The following SPATA16 variants were observed in gnomAD, a reference collection of about 807,000 sequenced individuals.
SPATA16 encodes spermatogenesis-associated protein 16.
A neutral mutation model predicts 63.3 loss-of-function variants in SPATA16; 36 were observed. That is an observed-to-expected ratio of 0.57 (90% CI 0.44 to 0.75). SPATA16 has a LOEUF of 0.75. Among genes scored for constraint, SPATA16 ranks in the 30% least tolerant of loss-of-function variants. The probability of loss-of-function intolerance (pLI) is 0.00; values close to 1 mark genes in which losing one functional copy is unlikely to be tolerated. For synonymous variants in SPATA16, 203 were observed against 216.7 expected (o/e 0.94, Z 0.56); for missense variants, 646 against 679.3 (o/e 0.95, Z 0.54).
At chr3:172,914,804 A>G (rs1499629) in intron 9 of SPATA16, among the ~76,000 whole-genome samples, 2,774 of 152,178 alleles carry the variant, frequency 0.018, 76 homozygotes, top group African/African-American at 0.063. Context: ...AATAGAGAAA[A>G]ATTACACTTT....
chr3:172,949,140 T>C (rs2109615455), intron 6 of SPATA16, among the ~76,000 whole-genome samples: 1 of 152,316 alleles, frequency 6.6e-6, no homozygotes, highest in East Asian at 1.9e-4. Flanking sequence ...TGATGTTTAC[T>C]CCATAATAAA....
intron 8 of SPATA16, 26 bp downstream of exon 8, chr3:172,924,182 C>T (rs748854189): frequency 2.0e-6 from 3 of 1,526,850 alleles, no homozygotes; most frequent in Non-Finnish European, 9.1e-7. Flanking sequence ...GTACATTGGA[C>T]AAATATAAAA....
intron 2 of SPATA16, 108 bp downstream of exon 2, chr3:173,117,012 A>T: frequency 9.0e-7 from 1 of 1,114,020 alleles, no homozygotes; most frequent in South Asian, 1.2e-5. Flanking sequence ...ACATATCCTC[A>T]CCTCATGATC....
intron 8 of SPATA16, among the ~76,000 whole-genome samples, chr3:172,919,841 C>G (rs1732579634): frequency 1.3e-5 from 2 of 151,890 alleles, no homozygotes; most frequent in Non-Finnish European, 2.9e-5. Flanking sequence ...CCACATCTGA[C>G]TATTTTTTTG....
At chr3:173,007,092 CAG>C (rs1734961326) in intron 4 of SPATA16, among the ~76,000 whole-genome samples, 1 of 152,084 alleles carries the variant, frequency 6.6e-6, no homozygotes, top group Admixed American at 6.6e-5. Context: ...ATCTCAAACT[CAG>C]AGTGTCAAAA....
intron 4 of SPATA16, among the ~76,000 whole-genome samples, chr3:172,979,194 G>A (rs868118271): frequency 2.0e-5 from 3 of 151,774 alleles, no homozygotes; most frequent in East Asian, 1.9e-4. Context: ...CCGAGATCGC[G>A]CCACTGCACT....
intron 2 of SPATA16, among the ~76,000 whole-genome samples, chr3:173,056,505 C>A (rs1230864195): frequency 2.0e-5 from 3 of 151,960 alleles, no homozygotes; most frequent in Non-Finnish European, 2.9e-5. Flanking sequence ...GAATTCAAGA[C>A]CAGCTTGGCC....
intron 2 of SPATA16, among the ~76,000 whole-genome samples, chr3:173,066,116 C>T (rs934887305): frequency 8.6e-5 from 13 of 152,014 alleles, no homozygotes; most frequent in Admixed American, 2.0e-4. Flanking sequence ...CTCACAATTT[C>T]GATACCAGCT....
At chr3:173,028,332 A>G (rs1430589007) in intron 3 of SPATA16, among the ~76,000 whole-genome samples, 2 of 151,850 alleles carry the variant, frequency 1.3e-5, no homozygotes, top group African/African-American at 4.8e-5. Context: ...TTTATGCTGG[A>G]TAATAGCATC....
intron 5 of SPATA16, among the ~76,000 whole-genome samples, chr3:172,975,135 T>G (rs1028709239): frequency 6.6e-6 from 1 of 151,926 alleles, no homozygotes; most frequent in Admixed American, 6.6e-5. Context: ...ACAGAAAAAT[T>G]TTTTCGCATC....
intron 2 of SPATA16, among the ~76,000 whole-genome samples, chr3:173,099,016 C>T (rs900455046): frequency 1.3e-5 from 2 of 152,176 alleles, no homozygotes; most frequent in East Asian, 3.9e-4. Context: ...CCCCAATCAT[C>T]AACACTGTCT....
In SPATA16 at chr3:172,953,979, C is replaced by T. The variant is rs142144436; in HGVS notation, c.1081+2698G>A. On this transcript the variant is annotated intron_variant, in intron 6 of 10. Transcript: ENST00000351008. The stretch of plus-strand genomic sequence containing the variant: ...AAACATATAGACTCTTATGTTTGCA[C>T]ACATCTGCTGTGTGACAGTCTATTC... Among the ~76,000 whole-genome samples the T allele has an allele frequency of 5.7e-3, 874 of 152,286 alleles. 11 individuals carry two copies. The highest frequency in any genetic ancestry group is 0.019 in the African/African-American group (789 of 41,550).
intron 6 of SPATA16, among the ~76,000 whole-genome samples, chr3:172,939,892 A>G (rs1733105581): frequency 6.6e-6 from 1 of 152,200 alleles, no homozygotes; most frequent in South Asian, 2.1e-4. Flanking sequence ...GTTCAGCTTC[A>G]TGCCTCCCCC....
At chr3:173,101,234 G>T (rs1468452566) in intron 2 of SPATA16, among the ~76,000 whole-genome samples, 5 of 152,082 alleles carry the variant, frequency 3.3e-5, no homozygotes, top group Non-Finnish European at 5.9e-5. Flanking sequence ...AATACTTGCT[G>T]CCCCAAGCAT....
intron 1 of SPATA16, among the ~76,000 whole-genome samples, chr3:173,136,169 G>A (rs1456457511): frequency 1.3e-5 from 2 of 152,154 alleles, no homozygotes; most frequent in African/African-American, 4.8e-5. Context: ...TGCAGTTGAT[G>A]TTAGCGGCTT....
chr3:173,070,394 CAA>C (rs34180269), intron 2 of SPATA16, among the ~76,000 whole-genome samples: 939 of 92,934 alleles, frequency 0.01, 6 homozygotes, highest in African/African-American at 0.024. Context: ...GACTCTGTCT[CAA>C]AAAAAAAAAA....
intron 7 of SPATA16, 43 bp from the exon 8 acceptor site, chr3:172,924,360 CT>C (rs752301681): frequency 6.9e-7 from 1 of 1,454,734 alleles, no homozygotes; most frequent in African/African-American, 1.4e-5. Flanking sequence ...TTTCTCCAGA[CT>C]TCCATTTCAA....
At chr3:173,060,939 G>A (rs1465953969) in intron 2 of SPATA16, among the ~76,000 whole-genome samples, 4 of 151,996 alleles carry the variant, frequency 2.6e-5, no homozygotes, top group South Asian at 4.1e-4. Flanking sequence ...GTCTATCTTC[G>A]TATAATAAGA....
intron 1 of SPATA16, among the ~76,000 whole-genome samples, chr3:173,122,746 T>C (rs1738113440): frequency 6.6e-6 from 1 of 152,188 alleles, no homozygotes; most frequent in African/African-American, 2.4e-5. Context: ...GGCATTGTAG[T>C]GCTCATAGCT....
Sources: gnomAD v4.1 joint callset for allele counts (sites outside exome capture counted in the v4.1 genomes callset) on GRCh38, gnomAD v4.1.1 for gene constraint, MANE v1.5 for transcripts, NCBI Gene and HGNC (gene_info 2026-07-23, HGNC 2026-07-21) for gene names.